The following PCDHA7 variants were observed in gnomAD, a reference collection of about 807,000 sequenced individuals.
PCDHA7 encodes protocadherin alpha 7, also known as protocadherin alpha-7.
In PCDHA7, 37 loss-of-function variants were observed where a neutral mutation model predicts 57.2. The observed-to-expected ratio is 0.65, with a 90% CI of 0.50 to 0.85. The LOEUF is 0.85. PCDHA7 is among the 40% of genes least tolerant of loss of function. PCDHA7 has a pLI of 0.00. For missense variants in PCDHA7, 1,188 were observed against 1,241.8 expected, an observed-to-expected ratio of 0.96 and a Z score of 0.65; for synonymous variants, 553 against 558.8, an observed-to-expected ratio of 0.99 and a Z score of 0.15.
chr5:140,868,834 A>G (rs1554162245), intron 1 of PCDHA7: 10 of 427,500 alleles, frequency 2.3e-5, no homozygotes, highest in Non-Finnish European at 8.0e-6. Context: ...AAGAAACCCA[A>G]AACACGTGAA....
In PCDHA7 at chr5:140,850,163, G is replaced by A; in HGVS notation, c.2355+13425G>A. ...ACGTGACGCTGCAGGTGTTCGTGCTGGACGAGAACGACAATGCGCCGGCGC... is the reference window on the plus strand; with the variant it reads ...ACGTGACGCTGCAGGTGTTCGTGCTAGACGAGAACGACAATGCGCCGGCGC... On this transcript the variant is annotated intron_variant, in intron 1 of 3. Coordinates refer to ENST00000525929, the MANE Select transcript of PCDHA7 (RefSeq NM_018910.3). 14 of 1,594,908 alleles carry A rather than the reference G, an allele frequency of 8.8e-6. 2 individuals are homozygous for A. The highest frequency in any genetic ancestry group is 1.2e-5 in the Non-Finnish European group (14 of 1,167,784).
chr5:140,965,316 T>C (rs1411473254), intron 1 of PCDHA7, among the ~76,000 whole-genome samples: 2 of 152,200 alleles, frequency 1.3e-5, no homozygotes, highest in Admixed American at 6.5e-5. Context: ...CCTTCTCTTT[T>C]ACTGAAGTGA....
At chr5:140,982,436 T>G (rs782353079) in intron 2 of PCDHA7, 39 bp from the exon 3 acceptor site, 18 of 1,613,262 alleles carry the variant, frequency 1.1e-5, no homozygotes, top group Non-Finnish European at 1.5e-5. Context: ...GGAAAGAATT[T>G]ATGATCTAAC....
chr5:140,954,842 T>C (rs1483926115), intron 1 of PCDHA7, among the ~76,000 whole-genome samples: 1 of 152,252 alleles, frequency 6.6e-6, no homozygotes, highest in Non-Finnish European at 1.5e-5. Flanking sequence ...ATGAAATCTT[T>C]GCCTGTGCCT....
At chr5:140,932,338 CACTT>C (rs1448800324) in intron 1 of PCDHA7, among the ~76,000 whole-genome samples, 19 of 151,866 alleles carry the variant, frequency 1.3e-4, no homozygotes, top group Non-Finnish European at 2.2e-4. Flanking sequence ...ATGCATGAAA[CACTT>C]ACCATACAAC....
rs782621405 is a variant in PCDHA7, at chr5:140,836,539, C to T, written c.2156C>T (p.Thr719Met). ...TTGGTGCTTACCCTGCTGCTGTACA[C>T]GGCGTTGCGGTGCTCAGCGCCGTCC... ...SLLVLTLLLY[T>M]ALRCSAPSSE... Residue 719 changes from threonine (T) to methionine (M), a missense_variant, in exon 1 of 4, where the codon ACG (threonine) becomes ATG (methionine). Thr to Met is a moderately conservative substitution (Grantham distance 81). Coordinates refer to ENST00000525929, the MANE Select transcript of PCDHA7 (RefSeq NM_018910.3). 2 of 1,613,800 alleles carry T rather than the reference C, an allele frequency of 1.2e-6. No homozygotes were observed. The highest frequency in any genetic ancestry group is 1.1e-5 in the South Asian group (1 of 91,078).
chr5:140,891,748 C>G (rs575198849), intron 1 of PCDHA7, among the ~76,000 whole-genome samples: 2 of 152,242 alleles, frequency 1.3e-5, no homozygotes, highest in African/African-American at 4.8e-5. Flanking sequence ...CCTTATACAA[C>G]AGTGTTGGGA....
At chr5:140,926,737 C>T (rs2083513630) in intron 1 of PCDHA7, 3 of 1,153,842 alleles carry the variant, frequency 2.6e-6, no homozygotes, top group Non-Finnish European at 3.4e-6. Flanking sequence ...GTTCGGGAGG[C>T]GCAACGTCGG....
chr5:140,976,685 T>TTGC (rs1279936534), intron 1 of PCDHA7, among the ~76,000 whole-genome samples: 2 of 152,238 alleles, frequency 1.3e-5, no homozygotes, highest in East Asian at 3.8e-4. Flanking sequence ...TTTTGCAATT[T>TTGC]AAGTACAATA....
chr5:140,997,610 C>A (rs1223241020), intron 3 of PCDHA7, among the ~76,000 whole-genome samples: 1 of 151,776 alleles, frequency 6.6e-6, no homozygotes, highest in Non-Finnish European at 1.5e-5. Flanking sequence ...GGGCGCATGA[C>A]TATATAGAGA....
intron 1 of PCDHA7, among the ~76,000 whole-genome samples, chr5:140,910,538 AT>A: frequency 6.6e-6 from 1 of 152,180 alleles, no homozygotes; most frequent in Non-Finnish European, 1.5e-5. Context: ...TCACAAATCT[AT>A]TTTGCAAAGT....
chr5:140,920,745 G>T (rs2079798907), intron 1 of PCDHA7, among the ~76,000 whole-genome samples: 1 of 151,878 alleles, frequency 6.6e-6, no homozygotes, highest in Admixed American at 6.6e-5. Flanking sequence ...TCAGGAGGCT[G>T]AGGCAGGAGA....
At chr5:140,875,465 T>C (rs1466604223) in intron 1 of PCDHA7, 9 of 1,599,572 alleles carry the variant, frequency 5.6e-6, no homozygotes, top group African/African-American at 1.3e-5. Context: ...AGGCCCTCAT[T>C]TTCTGCAATG....
At chr5:140,851,732 T>C in intron 1 of PCDHA7, 2 of 971,434 alleles carry the variant, frequency 2.1e-6, no homozygotes, top group Non-Finnish European at 2.5e-6. Context: ...CGAGTTCTTT[T>C]GAAATTCAGA....
chr5:140,941,239 C>CTTTCTTTCTTTCTT (rs2092937531), intron 1 of PCDHA7, among the ~76,000 whole-genome samples: 2 of 134,500 alleles, frequency 1.5e-5, no homozygotes, highest in Non-Finnish European at 1.6e-5. Context: ...TTCTTTCTTT[C>CTTTCTTTCTTTCTT]TTTCTTTCTT....
Position 140,858,030 on chromosome 5 carries a change from C to T in PCDHA7, c.2355+21292C>T, listed in dbSNP as rs534379807. 197 of 1,597,024 alleles carry T rather than the reference C, an allele frequency of 1.2e-4. 17 individuals are homozygous for T. Among genetic ancestry groups the T allele is most frequent in the Middle Eastern group, 3.3e-4 (2 of 5,996 alleles). On this transcript the variant is annotated intron_variant, in intron 1 of 3. Coordinates refer to ENST00000525929, the MANE Select transcript of PCDHA7 (RefSeq NM_018910.3). ...CATGGCGAGCCGTCGCTGACGGCCA[C>T]GGCCACTGTGCTTGTGTCGCTTGTG...
intron 1 of PCDHA7, among the ~76,000 whole-genome samples, chr5:140,937,805 G>A (rs1192616946): frequency 1.3e-5 from 2 of 149,798 alleles, no homozygotes; most frequent in African/African-American, 2.5e-5. Context: ...CCAGCTACTC[G>A]GGAAGCTGAG....
In PCDHA7 at chr5:140,844,364, G is replaced by A. The variant is rs1281881070; in HGVS notation, c.2355+7626G>A. Reference sequence around the variant, plus strand: ...AGTAAAATCAAGAGGGAAGAGATTTGTAATCCTTCTTTTAATTCATTATTT... The same window carrying A: ...AGTAAAATCAAGAGGGAAGAGATTTATAATCCTTCTTTTAATTCATTATTT... On this transcript the variant is annotated intron_variant, in intron 1 of 3. Coordinates refer to ENST00000525929, the MANE Select transcript of PCDHA7 (RefSeq NM_018910.3). Among the ~76,000 whole-genome samples, 3 of 149,238 alleles carry A rather than the reference G, an allele frequency of 2.0e-5. 1 individual carries two copies. The highest frequency in any genetic ancestry group is 4.5e-5 in the Non-Finnish European group (3 of 66,742).
At chr5:140,908,348 T>C (rs977122453) in intron 1 of PCDHA7, among the ~76,000 whole-genome samples, 43 of 152,160 alleles carry the variant, frequency 2.8e-4, no homozygotes, top group Non-Finnish European at 5.3e-4. Flanking sequence ...CACTACCTCA[T>C]GTAACTTACT....
Sources: gnomAD v4.1 joint callset for allele counts (sites outside exome capture counted in the v4.1 genomes callset) on GRCh38, gnomAD v4.1.1 for gene constraint, MANE v1.5 for transcripts, NCBI Gene and HGNC (gene_info 2026-07-23, HGNC 2026-07-21) for gene names.